The following RGS7 variants were observed in gnomAD, a reference collection of about 807,000 sequenced individuals.
RGS7 encodes regulator of G-protein signaling 7.
In RGS7, 27 loss-of-function variants were observed where a neutral mutation model predicts 81.1. The observed-to-expected ratio is 0.33, with a 90% CI of 0.25 to 0.46. The LOEUF (loss-of-function observed/expected upper bound fraction) is 0.46, where lower values mean the gene tolerates loss of function less well. Among genes scored for constraint, RGS7 ranks in the 20% least tolerant of loss-of-function variants. RGS7 has a pLI of 1.00. For missense variants in RGS7, 396 were observed against 607.4 expected, an observed-to-expected ratio of 0.65 and a Z score of 3.66; for synonymous variants, 208 against 207.7, an observed-to-expected ratio of 1.00 and a Z score of -0.01.
intron 2 of RGS7, among the ~76,000 whole-genome samples, chr1:241,354,308 A>G (rs1468125500): frequency 6.6e-6 from 1 of 152,222 alleles, no homozygotes; most frequent in Non-Finnish European, 1.5e-5. Context: ...TAACTTAAAA[A>G]TACAATACTA....
chr1:241,125,932 T>C (rs533226711), intron 2 of RGS7, among the ~76,000 whole-genome samples: 44 of 152,204 alleles, frequency 2.9e-4, no homozygotes, highest in Admixed American at 2.5e-3. Context: ...TTATCTCCAG[T>C]GCGCAGATGG....
At chr1:241,338,366 G>T (rs980087967) in intron 2 of RGS7, among the ~76,000 whole-genome samples, 1 of 152,092 alleles carries the variant, frequency 6.6e-6, no homozygotes, top group African/African-American at 2.4e-5. Flanking sequence ...ACTTTAAGCA[G>T]CTTTTGCTTT....
intron 1 of RGS7, 89 bp downstream of exon 1, chr1:241,356,810 C>T (rs1228396611): frequency 6.7e-6 from 1 of 150,194 alleles, no homozygotes; most frequent in African/African-American, 2.4e-5. Flanking sequence ...CGGACGCTCC[C>T]GCTGCGCAGA....
chr1:240,957,709 G>A (rs1350211715), intron 4 of RGS7, among the ~76,000 whole-genome samples: 1 of 152,132 alleles, frequency 6.6e-6, no homozygotes, highest in Non-Finnish European at 1.5e-5. Context: ...TTGGTTCATT[G>A]GTTGTGACAA....
In RGS7 at chr1:241,049,068, T is replaced by A. The variant is rs370999237; in HGVS notation, c.175+49598A>T. On this transcript the variant is annotated intron_variant, in intron 3 of 18. Transcript: ENST00000440928. ...TAAGGACACCTAGCTTATTGTATTA[T>A]GATCCACCCCGGTGATCTCATCTTA... 2.0e-5 allele frequency among the ~76,000 whole-genome samples: 3 copies of A among 152,338 alleles called. No homozygotes were observed. The East Asian group carries it at 5.8e-4, about 29-fold the overall frequency.
chr1:241,147,443 TCA>T (rs1302999066), intron 2 of RGS7, among the ~76,000 whole-genome samples: 1 of 152,148 alleles, frequency 6.6e-6, no homozygotes, highest in Non-Finnish European at 1.5e-5. Flanking sequence ...ATGACTATTT[TCA>T]CAGTTTTGTA....
chr1:241,212,684 C>G (rs936575751), intron 2 of RGS7, among the ~76,000 whole-genome samples: 8 of 152,186 alleles, frequency 5.3e-5, no homozygotes, highest in African/African-American at 9.6e-5. Context: ...TTGAAGAAAT[C>G]AAGAGTCCCA....
chr1:240,942,918 C>T (rs1677845671), intron 4 of RGS7, among the ~76,000 whole-genome samples: 1 of 152,068 alleles, frequency 6.6e-6, no homozygotes, highest in Non-Finnish European at 1.5e-5. Context: ...TAAAAATGGA[C>T]TATTACCATA....
intron 2 of RGS7, among the ~76,000 whole-genome samples, chr1:241,209,227 C>A (rs4659592): frequency 0.31 from 47,321 of 151,964 alleles, 8,050 homozygotes; most frequent in East Asian, 0.41. Flanking sequence ...CTGGGGCACA[C>A]AGATGACACA....
chr1:240,937,927 A>G (rs1250126448), intron 4 of RGS7, among the ~76,000 whole-genome samples: 1 of 152,232 alleles, frequency 6.6e-6, no homozygotes, highest in Non-Finnish European at 1.5e-5. Context: ...TAAGGCTGTA[A>G]TACTCATACT....
At chr1:240,854,137 C>G (rs1660651134) in intron 9 of RGS7, among the ~76,000 whole-genome samples, 1 of 152,058 alleles carries the variant, frequency 6.6e-6, no homozygotes, top group Non-Finnish European at 1.5e-5. Flanking sequence ...CACTGTGTGA[C>G]AATCACACCC....
intron 10 of RGS7, among the ~76,000 whole-genome samples, chr1:240,817,664 G>A (rs952795671): frequency 2.7e-4 from 41 of 152,108 alleles, no homozygotes; most frequent in East Asian, 2.1e-3. Flanking sequence ...GTGCAGTGGC[G>A]TAATCTTGGC....
intron 3 of RGS7, among the ~76,000 whole-genome samples, chr1:241,023,376 A>T (rs1361144832): frequency 6.6e-6 from 1 of 152,198 alleles, no homozygotes; most frequent in Non-Finnish European, 1.5e-5. Context: ...TTTGTAACCC[A>T]GCACTGTCCT....
rs569763296 is a variant in RGS7, at chr1:241,268,254, G to A, written c.78+87445C>T. 3.9e-4 allele frequency among the ~76,000 whole-genome samples: 60 copies of A among 152,306 alleles called. 1 individual carries two copies. Among genetic ancestry groups the A allele is most frequent in the African/African-American group, 1.2e-3 (51 of 41,574 alleles). ...AGCTGAGGCTTCCATAATTCAGTGCGTAGACTTCAGCTTCCTCTCCTGCAT... is the reference window on the plus strand; with the variant it reads ...AGCTGAGGCTTCCATAATTCAGTGCATAGACTTCAGCTTCCTCTCCTGCAT... On this transcript the variant is annotated intron_variant, in intron 2 of 18. Transcript: ENST00000440928.
intron 3 of RGS7, among the ~76,000 whole-genome samples, chr1:241,093,281 G>A (rs2148936638): frequency 6.6e-6 from 1 of 152,160 alleles, no homozygotes; most frequent in East Asian, 1.9e-4. Flanking sequence ...TGTTGAAGAT[G>A]AGATTACAAA....
At chr1:241,039,526 A>G (rs1290507552) in intron 3 of RGS7, among the ~76,000 whole-genome samples, 1 of 151,900 alleles carries the variant, frequency 6.6e-6, no homozygotes, top group African/African-American at 2.4e-5. Flanking sequence ...CAGAAGGTAG[A>G]TTTAGAAGAG....
chr1:241,132,741 A>ATTTATTTGTTTGTTTG (rs1553265451), intron 2 of RGS7, among the ~76,000 whole-genome samples: 2 of 150,984 alleles, frequency 1.3e-5, no homozygotes, highest in African/African-American at 4.9e-5. Flanking sequence ...TCAACTTATT[A>ATTTATTTGTTTGTTTG]TTTGTTTGTT....
chr1:240,894,770 G>T (rs1668778481), intron 6 of RGS7, among the ~76,000 whole-genome samples: 1 of 151,562 alleles, frequency 6.6e-6, no homozygotes, highest in South Asian at 2.1e-4. Context: ...TTTTCTTTAT[G>T]ATACAGTGTT....
intron 2 of RGS7, among the ~76,000 whole-genome samples, chr1:241,297,925 C>A (rs2079521263): frequency 6.6e-6 from 1 of 152,176 alleles, no homozygotes; most frequent in Non-Finnish European, 1.5e-5. Context: ...TGGGCATCCT[C>A]TAGTATGTTG....
Sources: allele counts gnomAD v4.1 joint callset (sites outside exome capture counted in the v4.1 genomes callset), GRCh38; gene constraint gnomAD v4.1.1; transcripts MANE v1.5; gene names NCBI Gene and HGNC (gene_info 2026-07-23, HGNC 2026-07-21).